LUZP2: variants seen among roughly 807,000 people sequenced by gnomAD.
LUZP2 encodes the protein leucine zipper protein 2.
Under a neutral mutation model 51.6 loss-of-function variants are expected in LUZP2, and 52 were observed. That is an observed-to-expected ratio of 1.01 (90% CI 0.81 to 1.27). The LOEUF (loss-of-function observed/expected upper bound fraction) is 1.27, where lower values mean the gene tolerates loss of function less well. Among genes scored for constraint, LUZP2 ranks in the 50% most tolerant of loss-of-function variants. The pLI is 0.00. For synonymous variants in LUZP2, 154 were observed against 137.3 expected (o/e 1.12, Z -0.85); for missense variants, 436 against 395.4 (o/e 1.10, Z -0.87).
rs1279102535 is a variant in LUZP2 at position 24,893,794 on chromosome 11, ACACACG to A, written c.397-12192_397-12187del. Among the ~76,000 whole-genome samples the A allele has an allele frequency of 6.0e-5, 8 of 133,578 alleles. No individual in the cohort carries two copies. In the South Asian group the frequency reaches 9.6e-4, roughly 16 times the overall value. 87.6% of individuals were successfully genotyped at this position (133,578 alleles called of 152,430 possible). On this transcript the variant is annotated intron_variant, in intron 5 of 11. Transcript: ENST00000336930. ...CACGCACACACACACACACACACAC[ACACACG>A]CACATGGTTTATTATTTTTTACAAT...
intron 9 of LUZP2, among the ~76,000 whole-genome samples, chr11:25,003,898 G>A (rs1297616995): frequency 1.3e-5 from 2 of 152,304 alleles, no homozygotes; most frequent in East Asian, 1.9e-4. Context: ...AGAAAGGCAT[G>A]TGAAAAGAGC....
At position 24,849,545 on chromosome 11, in the gene LUZP2, G is replaced by A. The variant is rs115481353; in HGVS notation, c.397-56446G>A. On this transcript the variant is annotated intron_variant, in intron 5 of 11. Transcript: ENST00000336930. Reference sequence around the variant, plus strand: ...TCTATCATTCATGGGCATTTGGGTTGGTTCCAAGTCTGCTATTGTGAGCAG... The same window carrying A: ...TCTATCATTCATGGGCATTTGGGTTAGTTCCAAGTCTGCTATTGTGAGCAG... 6.9e-3 allele frequency among the ~76,000 whole-genome samples: 1,052 copies of A among 152,234 alleles called. 15 individuals carry two copies. The highest frequency in any genetic ancestry group is 0.024 in the African/African-American group (1,011 of 41,528).
intron 1 of LUZP2, among the ~76,000 whole-genome samples, chr11:24,642,256 A>G (rs1234366262): frequency 6.6e-6 from 1 of 151,828 alleles, no homozygotes; most frequent in Non-Finnish European, 1.5e-5. Flanking sequence ...GTTACACAAC[A>G]ATTAGACTGT....
chr11:24,841,304 A>G (rs764717888), intron 5 of LUZP2, among the ~76,000 whole-genome samples: 4 of 152,076 alleles, frequency 2.6e-5, no homozygotes, highest in Non-Finnish European at 5.9e-5. Flanking sequence ...AAGCAAAAAG[A>G]TTGGTTCTTT....
intron 7 of LUZP2, among the ~76,000 whole-genome samples, chr11:24,925,318 A>G (rs1375125668): frequency 6.6e-6 from 1 of 152,144 alleles, no homozygotes; most frequent in African/African-American, 2.4e-5. Context: ...CTAATTTTTC[A>G]GGTTAATTTA....
intron 10 of LUZP2, among the ~76,000 whole-genome samples, chr11:25,062,406 G>T (rs997432736): frequency 1.2e-4 from 17 of 147,030 alleles, no homozygotes; most frequent in African/African-American, 4.1e-4. Flanking sequence ...GAAACATGTT[G>T]AAACTCTGCC....
At position 24,727,260 on chromosome 11, in the gene LUZP2, T is replaced by C. The variant is rs1317712794; in HGVS notation, c.63-1909T>C. The stretch of plus-strand genomic sequence containing the variant: ...TTGAAGGACGCAATGAACATTTAAC[T>C]GATAAACTCATAGCCAAATCAGTAT... On this transcript the variant is annotated intron_variant, in intron 1 of 11. Transcript: ENST00000336930. Among the ~76,000 whole-genome samples, 4 of 152,218 alleles carry C rather than the reference T, an allele frequency of 2.6e-5. No individual in the cohort carries two copies. The South Asian group carries it at 6.2e-4, about 24-fold the overall frequency.
At chr11:24,638,620 C>T (rs1546473) in intron 1 of LUZP2, among the ~76,000 whole-genome samples, 66,323 of 151,046 alleles carry the variant, frequency 0.44, 15,747 homozygotes, top group African/African-American at 0.61. Flanking sequence ...GGAATTTTTT[C>T]TAAATTATGC....
intron 5 of LUZP2, among the ~76,000 whole-genome samples, chr11:24,887,331 T>A (rs1409739108): frequency 6.6e-6 from 1 of 152,186 alleles, no homozygotes; most frequent in African/African-American, 2.4e-5. Flanking sequence ...GACAATCTTC[T>A]GTTTCTAGGT....
intron 8 of LUZP2, 150 bp from the exon 9 acceptor site, chr11:24,982,976 G>A (rs1565189240): frequency 2.9e-6 from 2 of 685,920 alleles, no homozygotes; most frequent in Admixed American, 3.0e-5. Context: ...ATAAAAGTAT[G>A]TCATAATGAA....
At chr11:24,934,057 T>C (rs1854528815) in intron 7 of LUZP2, among the ~76,000 whole-genome samples, 1 of 152,144 alleles carries the variant, frequency 6.6e-6, no homozygotes, top group Non-Finnish European at 1.5e-5. Flanking sequence ...TATCACAAAG[T>C]ACATTATCGC....
chr11:24,927,941 G>T (rs142812545), intron 7 of LUZP2, among the ~76,000 whole-genome samples: 1,984 of 151,992 alleles, frequency 0.013, 41 homozygotes, highest in African/African-American at 0.045. Flanking sequence ...TTTCCTTGTA[G>T]AGACCTTTCA....
chr11:24,497,353 C>T, intron 1 of LUZP2, 48 bp downstream of exon 1: 1 of 1,411,988 alleles, frequency 7.1e-7, no homozygotes, highest in Non-Finnish European at 9.4e-7. Flanking sequence ...GCTGCCGGGG[C>T]GAGGTTGGTC....
chr11:25,037,773 C>T (rs770980391), intron 9 of LUZP2, among the ~76,000 whole-genome samples: 1 of 151,736 alleles, frequency 6.6e-6, no homozygotes, highest in Non-Finnish European at 1.5e-5. Flanking sequence ...TTCATGAATG[C>T]TGAGTATAGG....
Position 24,909,824 on chromosome 11 carries a change from G to C in LUZP2, c.459+3771G>C, listed in dbSNP as rs190629179. ...TAATACAGTAAATTGGCACCACAGG[G>C]AATGGGGTGCTGCTGTAATGATACC... On this transcript the variant is annotated intron_variant, in intron 6 of 11. Transcript: ENST00000336930. Among the ~76,000 whole-genome samples the C allele has an allele frequency of 4.3e-3, 649 of 152,242 alleles. 18 individuals are homozygous for C. Among genetic ancestry groups the C allele is most frequent in the Admixed American group, 0.039 (600 of 15,284 alleles).
At chr11:24,550,966 A>C (rs1470813393) in intron 1 of LUZP2, among the ~76,000 whole-genome samples, 1 of 151,962 alleles carries the variant, frequency 6.6e-6, no homozygotes, top group Non-Finnish European at 1.5e-5. Context: ...CACACACACA[A>C]AATGTATGTT....
chr11:24,658,426 A>G (rs1374191288), intron 1 of LUZP2, among the ~76,000 whole-genome samples: 2 of 152,228 alleles, frequency 1.3e-5, no homozygotes, highest in African/African-American at 4.8e-5. Flanking sequence ...AAATTAATTC[A>G]AGATGGATTA....
chr11:24,964,752 A>G (rs1855532439), intron 7 of LUZP2, among the ~76,000 whole-genome samples: 1 of 152,060 alleles, frequency 6.6e-6, no homozygotes, highest in Non-Finnish European at 1.5e-5. Flanking sequence ...AATAAATTCT[A>G]TAGTAAAGAA....
chr11:24,739,682 C>G (rs1859064626), intron 4 of LUZP2, among the ~76,000 whole-genome samples: 1 of 152,100 alleles, frequency 6.6e-6, no homozygotes, highest in South Asian at 2.1e-4. Flanking sequence ...ACAAAACTTC[C>G]TTTAACAACC....
Sources: gnomAD v4.1 joint callset for allele counts (sites outside exome capture counted in the v4.1 genomes callset) on GRCh38, gnomAD v4.1.1 for gene constraint, MANE v1.5 for transcripts, NCBI Gene and HGNC (gene_info 2026-07-23, HGNC 2026-07-21) for gene names.